The following TRAPPC12 variants were observed in gnomAD, a reference collection of about 807,000 sequenced individuals.
The protein encoded by TRAPPC12 is trafficking protein particle complex subunit 12, also known as TPR repeat protein 15.
TRAPPC12 carries 61 observed loss-of-function variants against 69.2 expected under a neutral mutation model. That is an observed-to-expected ratio of 0.88 (90% confidence interval 0.72 to 1.09). The LOEUF is 1.09. TRAPPC12 is among the 50% of genes least tolerant of loss of function. TRAPPC12 has a pLI of 0.00. For synonymous variants in TRAPPC12, 469 were observed against 438.9 expected, an observed-to-expected ratio of 1.07 and a Z score of -0.86; for missense variants, 1,101 against 1,016.4, an observed-to-expected ratio of 1.08 and a Z score of -1.13.
intron 2 of TRAPPC12, among the ~76,000 whole-genome samples, chr2:3,393,647 A>C (rs1020798982): frequency 1.3e-5 from 2 of 151,700 alleles, no homozygotes. Flanking sequence ...TCAACTAAAT[A>C]TTCTAAAATT....
intron 5 of TRAPPC12, among the ~76,000 whole-genome samples, chr2:3,437,538 C>CAT (rs2103086771): frequency 3.4e-5 from 1 of 29,732 alleles, no homozygotes; most frequent in Non-Finnish European, 7.3e-5. Flanking sequence ...ATTAATCCCC[C>CAT]CACCACCCCT....
chr2:3,393,981 A>G (rs1022422546), intron 2 of TRAPPC12, among the ~76,000 whole-genome samples: 1 of 152,236 alleles, frequency 6.6e-6, no homozygotes, highest in Non-Finnish European at 1.5e-5. Context: ...GTTCAGCTGC[A>G]TTAACAAAGA....
In TRAPPC12 at chr2:3,401,757, T is replaced by C; in HGVS notation, c.1048-20T>C. The C allele has an allele frequency of 6.6e-7, 1 of 1,504,032 alleles. No homozygotes were observed. Among genetic ancestry groups the C allele is most frequent in the Non-Finnish European group, 9.0e-7 (1 of 1,114,812 alleles). 93.2% of individuals were successfully genotyped at this position (1,504,032 alleles called of 1,614,324 possible). A position where few individuals can be genotyped will look rare whatever the true frequency, so the allele number is the denominator to read the frequency against. On this transcript the variant is annotated intron_variant, in intron 2 of 11. Transcript: ENST00000324266. The stretch of plus-strand genomic sequence containing the variant: ...TTGACATTTTATTGTCTTGACATAT[T>C]TTTCTTCTATTCTTCCCAGGGAGAT...
At chr2:3,407,598 C>T (rs1396032599) in intron 3 of TRAPPC12, among the ~76,000 whole-genome samples, 1 of 151,970 alleles carries the variant, frequency 6.6e-6, no homozygotes, top group Non-Finnish European at 1.5e-5. Flanking sequence ...GTCAGGAGAT[C>T]GAGACCATCC....
In TRAPPC12 at chr2:3,387,818, C is replaced by T. The variant is rs763101224; in HGVS notation, c.195C>T (p.His65=). 2 of 1,612,934 alleles carry T rather than the reference C, an allele frequency of 1.2e-6. No individual in the cohort carries two copies. The highest frequency in any genetic ancestry group is 2.2e-5 in the East Asian group (1 of 44,810). ...CTCTCGCGGACAAGCTGAACGAACA[C>T]ATGATGGAGAGCGTCCTCATCTCTG... The part of the protein sequence containing the change: ...SSPLADKLNE[H]MMESVLISDS... The change falls in exon 2 of 12, where the codon CAC becomes CAT. Residue 65 remains histidine, a synonymous_variant. Coordinates refer to ENST00000324266, the MANE Select transcript of TRAPPC12 (RefSeq NM_016030.6).
chr2:3,476,315 A>G (rs771215466), intron 9 of TRAPPC12, among the ~76,000 whole-genome samples: 1 of 152,134 alleles, frequency 6.6e-6, no homozygotes, highest in Non-Finnish European at 1.5e-5. Flanking sequence ...TAAGATTCCT[A>G]CGTTAGAGAG....
At chr2:3,477,389 CATTTT>C (rs772528551) in intron 9 of TRAPPC12, among the ~76,000 whole-genome samples, 81 of 152,260 alleles carry the variant, frequency 5.3e-4, no homozygotes, top group Non-Finnish European at 9.4e-4. Flanking sequence ...ATTAGTTATT[CATTTT>C]ATTTTATCTA....
chr2:3,441,062 G>A (rs1001658890), intron 5 of TRAPPC12, among the ~76,000 whole-genome samples: 3 of 152,006 alleles, frequency 2.0e-5, no homozygotes, highest in Non-Finnish European at 2.9e-5. Flanking sequence ...CTAATTTTTT[G>A]TTGACTTCAG....
intron 9 of TRAPPC12, among the ~76,000 whole-genome samples, chr2:3,473,814 C>G (rs1187161477): frequency 2.6e-5 from 4 of 152,254 alleles, no homozygotes; most frequent in Non-Finnish European, 4.4e-5. Context: ...GCTTCTGTGA[C>G]TAAAGTTGAT....
chr2:3,404,519 A>G (rs565837155), intron 3 of TRAPPC12, among the ~76,000 whole-genome samples: 1 of 152,212 alleles, frequency 6.6e-6, no homozygotes, highest in Admixed American at 6.5e-5. Context: ...AAGCAGCCTT[A>G]GTTACTTGGA....
chr2:3,396,881 G>C (rs553428968), intron 2 of TRAPPC12, among the ~76,000 whole-genome samples: 1 of 152,100 alleles, frequency 6.6e-6, no homozygotes, highest in Non-Finnish European at 1.5e-5. Flanking sequence ...AGCTGGGTGT[G>C]GTGGCATGTG....
chr2:3,417,864 G>A (rs1335290574), intron 3 of TRAPPC12, among the ~76,000 whole-genome samples: 20 of 127,262 alleles, frequency 1.6e-4, no homozygotes, highest in Admixed American at 1.1e-3. Flanking sequence ...CCAACATGGC[G>A]AAACCCCATC....
rs145121353 is a variant in TRAPPC12, at chr2:3,387,691, C to T, written c.68C>T (p.Pro23Leu). The change falls in exon 2 of 12, where the codon CCT becomes CTT. Residue 23 changes from proline to leucine, a missense_variant. By Grantham distance (98) the Pro-to-Leu change is moderately conservative. Coordinates refer to ENST00000324266, the MANE Select transcript of TRAPPC12 (RefSeq NM_016030.6). ...GCCCCGCACCCCCCTCAGCTCGCGC[C>T]TCCGGAGGAGCAGGGGTTGCTCTTC... ...PEAPHPPQLA[P>L]PEEQGLLFQE... 41 of 1,573,262 alleles carry T rather than the reference C, an allele frequency of 2.6e-5. No homozygotes were observed. The African/African-American group carries it at 2.7e-4, about 10-fold the overall frequency.
At chr2:3,462,703 T>C (rs1665573957) in intron 8 of TRAPPC12, among the ~76,000 whole-genome samples, 1 of 152,250 alleles carries the variant, frequency 6.6e-6, no homozygotes. Flanking sequence ...TCTTCACTTT[T>C]TAAATACTTC....
intron 5 of TRAPPC12, among the ~76,000 whole-genome samples, chr2:3,441,035 A>G (rs1324207620): frequency 3.9e-5 from 6 of 152,090 alleles, no homozygotes; most frequent in Non-Finnish European, 7.4e-5. Context: ...CTTTTTATAC[A>G]TTGTTGGATT....
intron 8 of TRAPPC12, 141 bp downstream of exon 8, chr2:3,460,477 G>T (rs1665429607): frequency 1.1e-5 from 7 of 610,292 alleles, no homozygotes; most frequent in Non-Finnish European, 2.1e-5. Context: ...TTAACAGGGA[G>T]CCCAGTGACA....
At chr2:3,455,604 T>C (rs1278205910) in intron 6 of TRAPPC12, 1 of 152,212 alleles carries the variant, frequency 6.6e-6, no homozygotes, top group Non-Finnish European at 1.5e-5. Context: ...ACATACGATG[T>C]TTGTCTTTCT....
chr2:3,388,548 G>T lies in TRAPPC12; in HGVS notation c.925G>T (p.Ala309Ser), dbSNP rs748441197. Residue 309 changes from alanine (A) to serine (S), a missense_variant, in exon 2 of 12, where the codon GCC (alanine) becomes TCC (serine). By Grantham distance (99) the Ala-to-Ser change is moderately conservative. Coordinates refer to ENST00000324266, the MANE Select transcript of TRAPPC12 (RefSeq NM_016030.6). ...GAGCGAGATGGACCGGAGGAACGAC[G>T]CCTGGCTTCCCGGCGAGGCTACGCG... The part of the protein sequence containing the change: ...SMSEMDRRND[A>S]WLPGEATRGV... The T allele has an allele frequency of 1.9e-6, 3 of 1,613,074 alleles. No homozygotes were observed. The South Asian group carries it at 3.3e-5, about 18-fold the overall frequency.
chr2:3,459,939 C>T (rs537435185), intron 7 of TRAPPC12: 1 of 425,660 alleles, frequency 2.3e-6, no homozygotes, highest in African/African-American at 2.1e-5. Context: ...GTCAGCTTTG[C>T]TCCTTTTCTC....
Sources: allele counts gnomAD v4.1 joint callset (sites outside exome capture counted in the v4.1 genomes callset), GRCh38; gene constraint gnomAD v4.1.1; transcripts MANE v1.5; gene names NCBI Gene and HGNC (gene_info 2026-07-23, HGNC 2026-07-21).